The following ABHD3 variants were observed in gnomAD, a reference collection of about 807,000 sequenced individuals.
ABHD3 encodes the protein phospholipase ABHD3.
A neutral mutation model predicts 48.8 loss-of-function variants in ABHD3; 46 were observed. That is an observed-to-expected ratio of 0.94 (90% CI 0.74 to 1.20). The LOEUF (loss-of-function observed/expected upper bound fraction) is 1.20, where lower values mean the gene tolerates loss of function less well. Ranked by LOEUF, ABHD3 falls within the 50% of genes most tolerant of loss-of-function variation. The pLI, the probability that ABHD3 is intolerant of heterozygous loss-of-function variation, is 0.00. For missense variants in ABHD3, 490 were observed against 497.8 expected (o/e 0.98, Z 0.15); for synonymous variants, 192 against 183.7 (o/e 1.04, Z -0.36).
At chr18:21,693,161 G>A (rs1227783920) in intron 3 of ABHD3, among the ~76,000 whole-genome samples, 1 of 152,100 alleles carries the variant, frequency 6.6e-6, no homozygotes, top group African/African-American at 2.4e-5. Flanking sequence ...ACAACAGTGG[G>A]GCTCTTTCCT....
At position 21,657,117 on chromosome 18, in the gene ABHD3, T is replaced by A; in HGVS notation, c.878A>T (p.Asp293Val). The change falls in exon 7 of 9, where the codon GAT becomes GTT. Residue 293 changes from aspartate (D) to valine (V), a missense_variant. By Grantham distance (152) the Asp-to-Val change is radical (BLOSUM62 -3). Transcript: ENST00000289119. ...RHMFVKQVDM[D>V]HVMKAKSIRE... ...TTTCTCTCCTACCTTCATGACATGA[T>A]CCATATCAACTTGTTTTACAAACAT... 1 of 1,613,074 alleles carries A rather than the reference T, an allele frequency of 6.2e-7. No homozygotes were observed. Among genetic ancestry groups the A allele is most frequent in the Non-Finnish European group, 8.5e-7 (1 of 1,179,644 alleles).
At chr18:21,667,105 GCT>G (rs1350002125) in intron 4 of ABHD3, among the ~76,000 whole-genome samples, 2 of 146,422 alleles carry the variant, frequency 1.4e-5, no homozygotes, top group Non-Finnish European at 3.0e-5. Flanking sequence ...GACAAGTCTC[GCT>G]CTGTCGCCCA....
intron 3 of ABHD3, among the ~76,000 whole-genome samples, chr18:21,693,278 C>T (rs866084583): frequency 6.6e-6 from 1 of 152,188 alleles, no homozygotes; most frequent in African/African-American, 2.4e-5. Flanking sequence ...ACACATTACA[C>T]GCAATCCACA....
At chr18:21,654,738 A>G (rs1255808969) in intron 8 of ABHD3, among the ~76,000 whole-genome samples, 3 of 152,220 alleles carry the variant, frequency 2.0e-5, no homozygotes, top group African/African-American at 4.8e-5. Flanking sequence ...CAGAAGAACA[A>G]AAGGCTGGGC....
intron 4 of ABHD3, among the ~76,000 whole-genome samples, chr18:21,677,441 G>A (rs12455673): frequency 0.32 from 47,462 of 150,364 alleles, 10,672 homozygotes; most frequent in African/African-American, 0.6. Context: ...TCCTGATCTC[G>A]TGACCCGCCC....
At chr18:21,676,401 C>CT (rs1158805219) in intron 4 of ABHD3, among the ~76,000 whole-genome samples, 5 of 152,162 alleles carry the variant, frequency 3.3e-5, no homozygotes, top group East Asian at 3.9e-4. Context: ...TTAAAACTAA[C>CT]TTTTTTTTAA....
At chr18:21,702,284 C>G in intron 3 of ABHD3, 32 bp downstream of exon 3, 1 of 1,501,884 alleles carries the variant, frequency 6.7e-7, no homozygotes, top group Non-Finnish European at 9.0e-7. Context: ...TGGAATGGAT[C>G]AAGTGAAAAA....
chr18:21,693,727 C>T (rs1432668371), intron 3 of ABHD3, among the ~76,000 whole-genome samples: 1 of 152,194 alleles, frequency 6.6e-6, no homozygotes, highest in African/African-American at 2.4e-5. Context: ...TGGCTAGTCT[C>T]ACAAATGATC....
At chr18:21,682,629 C>T (rs1024171012) in intron 4 of ABHD3, 5 of 152,202 alleles carry the variant, frequency 3.3e-5, no homozygotes, top group African/African-American at 1.2e-4. Flanking sequence ...TTAACAGGCA[C>T]ATACCACGGC....
intron 4 of ABHD3, among the ~76,000 whole-genome samples, chr18:21,680,852 A>G (rs2039988608): frequency 9.2e-6 from 1 of 108,484 alleles, no homozygotes; most frequent in Non-Finnish European, 1.7e-5. Context: ...TCTTTTTCAA[A>G]TGTGTGTGTG....
At chr18:21,672,414 A>G (rs1278370333) in intron 4 of ABHD3, among the ~76,000 whole-genome samples, 1 of 152,244 alleles carries the variant, frequency 6.6e-6, no homozygotes, top group Non-Finnish European at 1.5e-5. Context: ...GAAATCTGAA[A>G]AAGACACACG....
chr18:21,683,462 G>GT (rs758279788), intron 4 of ABHD3: 2 of 448,664 alleles, frequency 4.5e-6, no homozygotes, highest in Admixed American at 4.9e-5. Context: ...AAAAATCACT[G>GT]TATTAGTTAA....
rs1441450503 is a variant in ABHD3, at chr18:21,684,337, G to A, written c.510-372C>T. On this transcript the variant is annotated intron_variant, in intron 3 of 8. Transcript: ENST00000289119. The stretch of plus-strand genomic sequence containing the variant: ...TTTTTTTTTTTTTTTTTTTTTTTGA[G>A]ATGGAGTCTCGCTCTTGTCACCCAG... 3.9e-5 allele frequency among the ~76,000 whole-genome samples: 3 copies of A among 76,310 alleles called. No homozygotes were observed. The Admixed American group carries it at 5.2e-4, about 13-fold the overall frequency. 50.1% of individuals were successfully genotyped at this position (76,310 alleles called of 152,430 possible).
chr18:21,657,542 GT>G (rs1004011044), intron 6 of ABHD3, among the ~76,000 whole-genome samples: 1 of 151,592 alleles, frequency 6.6e-6, no homozygotes, highest in African/African-American at 2.4e-5. Flanking sequence ...TAGAGATGGG[GT>G]TTTGCCATGT....
At chr18:21,675,587 T>C (rs1370209551) in intron 4 of ABHD3, among the ~76,000 whole-genome samples, 1 of 151,968 alleles carries the variant, frequency 6.6e-6, no homozygotes, top group Non-Finnish European at 1.5e-5. Flanking sequence ...TTGTTTTGTT[T>C]TGTCTTTGAG....
At chr18:21,653,052 CAA>C (rs745321830) in intron 8 of ABHD3, among the ~76,000 whole-genome samples, 104 of 4,896 alleles carry the variant, frequency 0.021, no homozygotes, top group Middle Eastern at 0.25. Context: ...GACTCCATCT[CAA>C]AAAAAAAAAA....
At chr18:21,680,901 C>T (rs1487408176) in intron 4 of ABHD3, among the ~76,000 whole-genome samples, 4 of 149,440 alleles carry the variant, frequency 2.7e-5, no homozygotes, top group Non-Finnish European at 5.9e-5. Flanking sequence ...TACACACACA[C>T]ATATATATTT....
At chr18:21,667,112 C>T (rs1338463179) in intron 4 of ABHD3, among the ~76,000 whole-genome samples, 2 of 148,120 alleles carry the variant, frequency 1.4e-5, no homozygotes, top group African/African-American at 2.5e-5. Context: ...CTCGCTCTGT[C>T]GCCCAGGCTG....
chr18:21,657,338 G>C (rs1411219435), intron 6 of ABHD3, among the ~76,000 whole-genome samples, 186 bp from the exon 7 acceptor site: 1 of 151,146 alleles, frequency 6.6e-6, no homozygotes, highest in Non-Finnish European at 1.5e-5. Flanking sequence ...TTTTCTTCAA[G>C]TACTTTTTTT....
Sources: gnomAD v4.1 joint callset for allele counts (sites outside exome capture counted in the v4.1 genomes callset) on GRCh38, gnomAD v4.1.1 for gene constraint, MANE v1.5 for transcripts, NCBI Gene and HGNC (gene_info 2026-07-23, HGNC 2026-07-21) for gene names.